Variants in MAGI2 observed in about 807,000 individuals in gnomAD.
MAGI2 encodes membrane associated guanylate kinase, WW and PDZ domain containing 2.
MAGI2 carries 35 observed loss-of-function variants against 133.3 expected under a neutral mutation model. The observed-to-expected ratio is 0.26, with a 90% CI of 0.20 to 0.35. MAGI2 has a LOEUF of 0.35. Ranked by LOEUF, MAGI2 falls within the 10% of genes least tolerant of loss-of-function variation. The pLI is 1.00. For synonymous variants in MAGI2, 729 were observed against 710.6 expected (o/e 1.03, Z -0.41); for missense variants, 1,636 against 1,863.4 (o/e 0.88, Z 2.25).
At chr7:78,607,844 G>A (rs1426479890) in intron 3 of MAGI2, among the ~76,000 whole-genome samples, 3 of 152,130 alleles carry the variant, frequency 2.0e-5, no homozygotes, top group Admixed American at 6.5e-5. Context: ...GTAGCATCCC[G>A]CCTCTGGTAC....
intron 2 of MAGI2, among the ~76,000 whole-genome samples, chr7:78,793,919 T>C (rs755370759): frequency 8.5e-5 from 13 of 152,208 alleles, no homozygotes; most frequent in Non-Finnish European, 1.5e-4. Context: ...GGGACTCCTG[T>C]CTCATGTAGG....
intron 2 of MAGI2, among the ~76,000 whole-genome samples, chr7:78,723,664 A>T (rs1820482957): frequency 6.6e-6 from 1 of 152,198 alleles, no homozygotes; most frequent in African/African-American, 2.4e-5. Flanking sequence ...AGATTGGCTA[A>T]CAATAAGAAA....
intron 2 of MAGI2, among the ~76,000 whole-genome samples, chr7:78,948,851 G>A (rs1280443181): frequency 6.6e-6 from 1 of 151,972 alleles, no homozygotes; most frequent in Non-Finnish European, 1.5e-5. Flanking sequence ...ATATTTTGAT[G>A]TGTGCTTTCC....
chr7:79,175,502 G>C (rs1398630316), intron 1 of MAGI2, among the ~76,000 whole-genome samples: 1 of 151,818 alleles, frequency 6.6e-6, no homozygotes, highest in Non-Finnish European at 1.5e-5. Flanking sequence ...TTGGTTCTTT[G>C]AAAAATGAAT....
chr7:79,214,360 CCTCTCTCTCTCTCTCTCT>C (rs71531163), intron 1 of MAGI2, among the ~76,000 whole-genome samples: 35 of 27,558 alleles, frequency 1.3e-3, no homozygotes, highest in African/African-American at 3.4e-3. Flanking sequence ...GCATTACGCA[CCTCTCTCTCTCTCTCTCT>C]CTCTCTCTCT....
chr7:78,991,008 G>A (rs1323855721), intron 2 of MAGI2, among the ~76,000 whole-genome samples: 2 of 149,622 alleles, frequency 1.3e-5, no homozygotes, highest in Non-Finnish European at 3.0e-5. Flanking sequence ...CATGTGTCGA[G>A]GGAGGGATTT....
At chr7:78,501,307 A>G (rs1335360026) in intron 5 of MAGI2, among the ~76,000 whole-genome samples, 2 of 149,486 alleles carry the variant, frequency 1.3e-5, no homozygotes, top group Non-Finnish European at 2.9e-5. Context: ...TAATTCAATA[A>G]TAACATCACA....
At chr7:78,109,043 G>C (rs948685674) in intron 20 of MAGI2, among the ~76,000 whole-genome samples, 1 of 151,888 alleles carries the variant, frequency 6.6e-6, no homozygotes, top group Admixed American at 6.6e-5. Context: ...GGTGGCTCAT[G>C]CCTGTAATCC....
At chr7:78,863,514 G>A (rs1429404728) in intron 2 of MAGI2, among the ~76,000 whole-genome samples, 2 of 152,166 alleles carry the variant, frequency 1.3e-5, no homozygotes, top group Non-Finnish European at 1.5e-5. Flanking sequence ...ACTCATTACT[G>A]CGAGGACAGC....
intron 1 of MAGI2, among the ~76,000 whole-genome samples, chr7:79,142,369 A>G (rs1443080136): frequency 1.3e-5 from 2 of 152,214 alleles, no homozygotes; most frequent in Non-Finnish European, 2.9e-5. Flanking sequence ...CACATTAAAC[A>G]TAAATTTATG....
intron 1 of MAGI2, among the ~76,000 whole-genome samples, chr7:79,154,389 A>G (rs1415145929): frequency 3.3e-5 from 5 of 152,172 alleles, no homozygotes; most frequent in Non-Finnish European, 7.3e-5. Context: ...TTTTATTACA[A>G]ATTTGATTAC....
intron 3 of MAGI2, among the ~76,000 whole-genome samples, chr7:78,622,193 G>A (rs1807820340): frequency 6.6e-6 from 1 of 152,002 alleles, no homozygotes; most frequent in African/African-American, 2.4e-5. Context: ...GCTCTGGTTT[G>A]TGGGTTAGAT....
At chr7:78,284,513 T>TCC (rs1396631811) in intron 9 of MAGI2, among the ~76,000 whole-genome samples, 1 of 151,832 alleles carries the variant, frequency 6.6e-6, no homozygotes, top group Non-Finnish European at 1.5e-5. Context: ...ATCACGCTGA[T>TCC]TTGGCCAGAA....
At chr7:78,535,555 TC>T (rs1282851465) in intron 3 of MAGI2, among the ~76,000 whole-genome samples, 1 of 150,786 alleles carries the variant, frequency 6.6e-6, no homozygotes, top group East Asian at 2.0e-4. Context: ...AAGAGCTCTG[TC>T]CTGACTCCAT....
At chr7:78,094,234 T>C (rs1455482046) in intron 20 of MAGI2, among the ~76,000 whole-genome samples, 2 of 152,232 alleles carry the variant, frequency 1.3e-5, no homozygotes, top group Non-Finnish European at 2.9e-5. Context: ...CACTTCATGA[T>C]GCTTCCTCTG....
At chr7:78,956,547 G>A (rs893477803) in intron 2 of MAGI2, among the ~76,000 whole-genome samples, 2 of 152,104 alleles carry the variant, frequency 1.3e-5, no homozygotes, top group Non-Finnish European at 2.9e-5. Flanking sequence ...GAGAAAAAAA[G>A]TGCTGATTTC....
chr7:78,070,190 T>C (rs1259182651), intron 21 of MAGI2, among the ~76,000 whole-genome samples: 14 of 35,712 alleles, frequency 3.9e-4, no homozygotes, highest in African/African-American at 5.8e-4. Flanking sequence ...TATATATATA[T>C]ATATATATAT....
At chr7:78,182,132 A>G (rs1207639885) in intron 13 of MAGI2, among the ~76,000 whole-genome samples, 1 of 152,216 alleles carries the variant, frequency 6.6e-6, no homozygotes, top group Admixed American at 6.5e-5. Context: ...CACAGAGGAT[A>G]CATTTATTCA....
intron 10 of MAGI2, among the ~76,000 whole-genome samples, chr7:78,227,412 C>T (rs575827785): frequency 1.1e-4 from 17 of 152,288 alleles, no homozygotes; most frequent in African/African-American, 4.1e-4. Context: ...CAGAGTTCTG[C>T]TCATCAAAGA....
Sources: gnomAD v4.1 joint callset for allele counts (sites outside exome capture counted in the v4.1 genomes callset) on GRCh38, gnomAD v4.1.1 for gene constraint, MANE v1.5 for transcripts, NCBI Gene and HGNC (gene_info 2026-07-23, HGNC 2026-07-21) for gene names.